The following RAB14 variants were observed in gnomAD, a reference collection of about 807,000 sequenced individuals.
RAB14 encodes the protein RAB14, member RAS oncogene family.
A neutral mutation model predicts 31.1 loss-of-function variants in RAB14; 3 were observed. The observed-to-expected ratio is 0.10, with a 90% CI of 0.04 to 0.25. The LOEUF is 0.25. RAB14 is among the 10% of genes least tolerant of loss of function. RAB14 has a pLI of 1.00. For synonymous variants in RAB14, 85 were observed against 84.9 expected, an observed-to-expected ratio of 1.00 and a Z score of 0.00; for missense variants, 111 against 260.1, an observed-to-expected ratio of 0.43 and a Z score of 3.94.
chr9:121,195,151 G>T (rs931170849), intron 1 of RAB14, among the ~76,000 whole-genome samples: 1 of 152,076 alleles, frequency 6.6e-6, no homozygotes, highest in Non-Finnish European at 1.5e-5. Context: ...TTATTTACCT[G>T]ATCTCTGAAC....
chr9:121,195,453 C>G (rs1019353281), intron 1 of RAB14, among the ~76,000 whole-genome samples: 1 of 151,972 alleles, frequency 6.6e-6, no homozygotes, highest in Non-Finnish European at 1.5e-5. Flanking sequence ...TCTAACAATC[C>G]CAAATTTCTA....
At chr9:121,193,270 T>C (rs1178628066) in intron 2 of RAB14, 91 bp downstream of exon 2, 9 of 854,244 alleles carry the variant, frequency 1.1e-5, no homozygotes, top group Non-Finnish European at 1.5e-5. Context: ...AATCACTCAG[T>C]CCTGAAGTGG....
chr9:121,188,577 G>C (rs927138998), intron 4 of RAB14, among the ~76,000 whole-genome samples: 1 of 151,634 alleles, frequency 6.6e-6, no homozygotes, highest in African/African-American at 2.4e-5. Flanking sequence ...ATGTCAAAAT[G>C]TTATGGCAAA....
chr9:121,181,654 T>C (rs1236649111), intron 7 of RAB14, 81 bp from the exon 8 acceptor site: 6 of 1,161,432 alleles, frequency 5.2e-6, no homozygotes, highest in African/African-American at 1.5e-5. Flanking sequence ...TAATCTTTAG[T>C]TAACTGCCAT....
In RAB14 at chr9:121,198,384, G is replaced by A. The variant is rs1202447512; in HGVS notation, c.-8+3255C>T. Among the ~76,000 whole-genome samples the A allele has an allele frequency of 2.6e-5, 4 of 152,198 alleles. No individual in the cohort carries two copies. In the East Asian group the frequency reaches 7.7e-4, roughly 29 times the overall value. On this transcript the variant is annotated intron_variant, in intron 1 of 7. Coordinates refer to ENST00000373840, the MANE Select transcript of RAB14 (RefSeq NM_016322.4). ...AAAAACCAACACTCAATAGTAGAGG[G>A]CATATTTTTGGGAGTTTTTTAATAG...
In RAB14 at chr9:121,183,360, T is replaced by C; in HGVS notation, c.390A>G (p.Ala130=). The C allele has an allele frequency of 6.2e-7, 1 of 1,610,884 alleles. No homozygotes were observed. The highest frequency in any genetic ancestry group is 1.1e-5 in the South Asian group (1 of 90,908). ...CTTCTTCATATGTAACATCTCTCTG[T>C]GCCTCCAAATCTGCTTTATTTCCTA... ...ILIGNKADLE[A]QRDVTYEEAK... is the part of the protein sequence containing the mutation. Residue 130 remains alanine (A), a synonymous_variant, in exon 6 of 8, where the codon GCA becomes GCG. Transcript: ENST00000373840.
At chr9:121,197,941 C>T (rs1301405545) in intron 1 of RAB14, among the ~76,000 whole-genome samples, 13 of 151,914 alleles carry the variant, frequency 8.6e-5, no homozygotes, top group Non-Finnish European at 1.8e-4. Flanking sequence ...TATGCATTAA[C>T]CTGGAAATAC....
intron 5 of RAB14, among the ~76,000 whole-genome samples, chr9:121,186,165 T>C (rs2053658101): frequency 6.6e-6 from 1 of 152,122 alleles, no homozygotes; most frequent in Admixed American, 6.6e-5. Context: ...CCCTCAACAA[T>C]ATCTACTGAA....
At chr9:121,193,473 C>G in intron 1 of RAB14, 54 bp from the exon 2 acceptor site, 1 of 1,184,536 alleles carries the variant, frequency 8.4e-7, no homozygotes, top group South Asian at 1.4e-5. Flanking sequence ...ACAAGTAATT[C>G]AAACGGATGA....
At chr9:121,196,627 TC>T (rs1269251259) in intron 1 of RAB14, among the ~76,000 whole-genome samples, 1 of 152,138 alleles carries the variant, frequency 6.6e-6, no homozygotes, top group East Asian at 1.9e-4. Flanking sequence ...CACCACACCA[TC>T]CTGCCCTCTC....
chr9:121,189,832 G>A (rs1433606107), intron 4 of RAB14, among the ~76,000 whole-genome samples: 1 of 152,016 alleles, frequency 6.6e-6, no homozygotes, highest in Non-Finnish European at 1.5e-5. Flanking sequence ...GCTTTTGACT[G>A]GCACTTTACA....
chr9:121,195,949 G>A (rs1209792936), intron 1 of RAB14, among the ~76,000 whole-genome samples: 1 of 152,046 alleles, frequency 6.6e-6, no homozygotes, highest in Non-Finnish European at 1.5e-5. Context: ...TAGGCTTAAT[G>A]TTGCTTTAAC....
chr9:121,187,854 T>C (rs2053666090), intron 4 of RAB14, among the ~76,000 whole-genome samples: 2 of 152,062 alleles, frequency 1.3e-5, no homozygotes. Flanking sequence ...TGTTAGTCTA[T>C]CTTACTCGTT....
In RAB14 at chr9:121,181,295, T is replaced by G; in HGVS notation, c.*101A>C. ...ACAGAGTTTTTTCTTTTTTTTTAATTAAACCCAGTAAGATGTACAGAAGAC... is the reference window on the plus strand; with the variant it reads ...ACAGAGTTTTTTCTTTTTTTTTAATGAAACCCAGTAAGATGTACAGAAGAC... On this transcript the variant is annotated 3_prime_UTR_variant, in exon 8 of 8. Transcript: ENST00000373840. 1 of 1,217,700 alleles carries G rather than the reference T, an allele frequency of 8.2e-7. No individual in the cohort carries two copies. Among genetic ancestry groups the G allele is most frequent in the African/African-American group, 1.5e-5 (1 of 66,406 alleles). 75.4% of individuals were successfully genotyped at this position (1,217,700 alleles called of 1,614,324 possible).
rs562405737 is a variant in RAB14, at chr9:121,198,798, T to C, written c.-8+2841A>G. ...CAACAACAGAAGCATGCTGACTTGC[T>C]TTAGAGGCCCACTAAAATGGACCAC... On this transcript the variant is annotated intron_variant, in intron 1 of 7. Coordinates refer to ENST00000373840, the MANE Select transcript of RAB14 (RefSeq NM_016322.4). 2.0e-5 allele frequency among the ~76,000 whole-genome samples: 3 copies of C among 152,320 alleles called. No individual in the cohort carries two copies. The South Asian group carries it at 6.2e-4, about 32-fold the overall frequency.
At chr9:121,193,637 A>AT (rs1426520732) in intron 1 of RAB14, among the ~76,000 whole-genome samples, 3 of 152,200 alleles carry the variant, frequency 2.0e-5, no homozygotes, top group African/African-American at 7.2e-5. Context: ...CCACAGAAAT[A>AT]TAAGAAACCA....
intron 2 of RAB14, among the ~76,000 whole-genome samples, chr9:121,192,510 G>C (rs2053692629): frequency 6.6e-6 from 1 of 151,804 alleles, no homozygotes; most frequent in African/African-American, 2.4e-5. Context: ...ACTTTGAGCT[G>C]TTTCAAAATT....
At chr9:121,197,296 T>A (rs924588972) in intron 1 of RAB14, among the ~76,000 whole-genome samples, 7 of 152,178 alleles carry the variant, frequency 4.6e-5, no homozygotes, top group Non-Finnish European at 8.8e-5. Flanking sequence ...TTTCTCAACC[T>A]CATCTCCTGA....
intron 1 of RAB14, among the ~76,000 whole-genome samples, chr9:121,198,550 G>T (rs1205786139): frequency 2.6e-5 from 4 of 152,156 alleles, no homozygotes; most frequent in African/African-American, 9.7e-5. Flanking sequence ...AAATATTCCA[G>T]GTAATTTAAT....
Sources: gnomAD v4.1 joint callset for allele counts (sites outside exome capture counted in the v4.1 genomes callset) on GRCh38, gnomAD v4.1.1 for gene constraint, MANE v1.5 for transcripts, NCBI Gene and HGNC (gene_info 2026-07-23, HGNC 2026-07-21) for gene names.